NR6A1: variants seen among roughly 807,000 people sequenced by gnomAD.
The protein encoded by NR6A1 is nuclear receptor subfamily 6 group A member 1, also known as retinoic acid receptor-related testis-associated receptor.
Under a neutral mutation model 59.1 loss-of-function variants are expected in NR6A1, and 7 were observed. The observed-to-expected ratio is 0.12, with a 90% CI of 0.07 to 0.22. The LOEUF is 0.22. Among genes scored for constraint, NR6A1 ranks in the 10% least tolerant of loss-of-function variants. NR6A1 has a pLI of 1.00. For synonymous variants in NR6A1, 243 were observed against 236.1 expected, an observed-to-expected ratio of 1.03 and a Z score of -0.27; for missense variants, 468 against 611.6, an observed-to-expected ratio of 0.77 and a Z score of 2.48.
chr9:124,558,517 A>G (rs1224816956), intron 2 of NR6A1, among the ~76,000 whole-genome samples: 1 of 152,098 alleles, frequency 6.6e-6, no homozygotes, highest in Non-Finnish European at 1.5e-5. Context: ...CTCTCCCAGT[A>G]TGTGAAAAAT....
At chr9:124,726,460 G>A (rs1839720468) in intron 2 of NR6A1, among the ~76,000 whole-genome samples, 1 of 152,220 alleles carries the variant, frequency 6.6e-6, no homozygotes, top group Admixed American at 6.5e-5. Context: ...AAGTGGAGAT[G>A]AAGATGGATT....
chr9:124,556,317 G>A (rs1256384531), intron 2 of NR6A1, among the ~76,000 whole-genome samples: 1 of 152,108 alleles, frequency 6.6e-6, no homozygotes, highest in Admixed American at 6.5e-5. Context: ...AAGGTGATAC[G>A]AAGACAGAGG....
chr9:124,601,539 G>T (rs953508284), intron 2 of NR6A1, among the ~76,000 whole-genome samples: 4 of 148,366 alleles, frequency 2.7e-5, no homozygotes, highest in Admixed American at 1.3e-4. Context: ...AGCCTAGATG[G>T]TGCCACTGCA....
intron 2 of NR6A1, among the ~76,000 whole-genome samples, chr9:124,660,698 T>C (rs1020975756): frequency 6.8e-6 from 1 of 147,214 alleles, no homozygotes; most frequent in East Asian, 2.0e-4. Context: ...GTTTAAGAGC[T>C]ACTTCTAGCT....
intron 3 of NR6A1, among the ~76,000 whole-genome samples, chr9:124,549,423 T>C (rs990568038): frequency 6.6e-5 from 10 of 152,200 alleles, no homozygotes; most frequent in Non-Finnish European, 1.3e-4. Flanking sequence ...AGCCTGACTT[T>C]ATCCCGAAGA....
At position 124,601,689 on chromosome 9, in the gene NR6A1, A is replaced by G. The variant is rs188574872; in HGVS notation, c.143-47119T>C. Reference sequence around the variant, plus strand: ...TAGAGTATGCTTACATAGGCTCAGCAAGGTGGCTCACACCTGTAATCCCAG... The same window carrying G: ...TAGAGTATGCTTACATAGGCTCAGCGAGGTGGCTCACACCTGTAATCCCAG... On this transcript the variant is annotated intron_variant, in intron 2 of 9. Coordinates refer to ENST00000487099, the MANE Select transcript of NR6A1 (RefSeq NM_033334.4). Among the ~76,000 whole-genome samples the G allele has an allele frequency of 3.3e-5, 5 of 151,046 alleles. No individual in the cohort carries two copies. In the East Asian group the frequency reaches 9.8e-4, roughly 30 times the overall value.
chr9:124,659,354 T>C (rs1837359295), intron 2 of NR6A1, among the ~76,000 whole-genome samples: 1 of 152,198 alleles, frequency 6.6e-6, no homozygotes, highest in African/African-American at 2.4e-5. Flanking sequence ...ATTCTGAAAC[T>C]GCCAGCCATT....
At chr9:124,615,347 C>G (rs957254859) in intron 2 of NR6A1, among the ~76,000 whole-genome samples, 2 of 152,106 alleles carry the variant, frequency 1.3e-5, no homozygotes, top group African/African-American at 4.8e-5. Flanking sequence ...CTGGAGTAGG[C>G]ACATATAGTT....
intron 1 of NR6A1, among the ~76,000 whole-genome samples, chr9:124,747,535 C>T (rs1362335589): frequency 6.6e-6 from 1 of 152,156 alleles, no homozygotes; most frequent in Admixed American, 6.5e-5. Flanking sequence ...TTCTCCTGAA[C>T]CACAGACCCA....
At chr9:124,533,831 A>C (rs569001625) in intron 7 of NR6A1, among the ~76,000 whole-genome samples, 35 of 151,862 alleles carry the variant, frequency 2.3e-4, no homozygotes, top group Non-Finnish European at 4.7e-4. Context: ...TTGTATTTTT[A>C]GTAGAGACGG....
chr9:124,630,879 C>T (rs559992508), intron 2 of NR6A1, among the ~76,000 whole-genome samples: 2 of 150,484 alleles, frequency 1.3e-5, no homozygotes, highest in East Asian at 2.0e-4. Flanking sequence ...AGTTTTTCCA[C>T]GTTGGTCAGG....
intron 6 of NR6A1, 115 bp from the exon 7 acceptor site, chr9:124,536,247 C>G (rs1833263524): frequency 1.7e-6 from 2 of 1,170,590 alleles, no homozygotes; most frequent in South Asian, 2.9e-5. Flanking sequence ...GCTCCTTGCT[C>G]CATGCCCACG....
intron 3 of NR6A1, 92 bp downstream of exon 3, chr9:124,554,236 T>C (rs978613081): frequency 6.3e-7 from 1 of 1,582,592 alleles, no homozygotes; most frequent in Middle Eastern, 2.1e-4. Context: ...TGATATGTAG[T>C]GCAAGCTTGA....
At chr9:124,546,005 C>T (rs1833586321) in intron 3 of NR6A1, among the ~76,000 whole-genome samples, 1 of 152,266 alleles carries the variant, frequency 6.6e-6, no homozygotes. Flanking sequence ...ATCCCAGCTA[C>T]TCGGGAGGCT....
At chr9:124,589,281 C>T (rs959033204) in intron 2 of NR6A1, among the ~76,000 whole-genome samples, 3 of 151,924 alleles carry the variant, frequency 2.0e-5, no homozygotes. Flanking sequence ...CCCGTCTCTA[C>T]TAAAAACACA....
rs1839463864 is a variant in NR6A1 at position 124,718,372 on chromosome 9, T to C, written c.142+14936A>G. On this transcript the variant is annotated intron_variant, in intron 2 of 9. Transcript: ENST00000487099. ...GGAAGCAGGGTTGCAAGTAGAAGCCTGAAAATGCTGTAGAAGTCTTTTACT... is the reference window on the plus strand; with the variant it reads ...GGAAGCAGGGTTGCAAGTAGAAGCCCGAAAATGCTGTAGAAGTCTTTTACT... 2.6e-5 allele frequency among the ~76,000 whole-genome samples: 4 copies of C among 152,232 alleles called. No individual in the cohort carries two copies. The South Asian group carries it at 6.2e-4, about 24-fold the overall frequency.
chr9:124,541,787 CTGA>C (rs1255857293), intron 4 of NR6A1, among the ~76,000 whole-genome samples: 1 of 152,200 alleles, frequency 6.6e-6, no homozygotes, highest in African/African-American at 2.4e-5. Flanking sequence ...ATTTAAGTGT[CTGA>C]TGACAGAGAA....
intron 7 of NR6A1, among the ~76,000 whole-genome samples, chr9:124,529,464 A>T (rs1366923716): frequency 6.6e-6 from 1 of 152,148 alleles, no homozygotes; most frequent in East Asian, 1.9e-4. Context: ...TATCACTTCC[A>T]TGTTAGGGAT....
At chr9:124,735,672 T>C (rs1588840856) in intron 1 of NR6A1, among the ~76,000 whole-genome samples, 2 of 152,134 alleles carry the variant, frequency 1.3e-5, no homozygotes, top group Non-Finnish European at 2.9e-5. Flanking sequence ...ATAAAGGCAA[T>C]GGGAATCAGA....
Sources: gnomAD v4.1 joint callset for allele counts (sites outside exome capture counted in the v4.1 genomes callset) on GRCh38, gnomAD v4.1.1 for gene constraint, MANE v1.5 for transcripts, NCBI Gene and HGNC (gene_info 2026-07-23, HGNC 2026-07-21) for gene names.